PARP15: variants seen among roughly 807,000 people sequenced by gnomAD.
PARP15 encodes the protein protein mono-ADP-ribosyltransferase PARP15.
PARP15 carries 50 observed loss-of-function variants against 62.1 expected under a neutral mutation model. The ratio of observed to expected loss-of-function variants is 0.81; its 90% CI spans 0.64 to 1.02. PARP15 has a LOEUF of 1.02. Ranked by LOEUF, PARP15 falls within the 50% of genes least tolerant of loss-of-function variation. The pLI is 0.00. For missense variants in PARP15, 820 were observed against 826.5 expected, an observed-to-expected ratio of 0.99 and a Z score of 0.10; for synonymous variants, 309 against 293.1, an observed-to-expected ratio of 1.05 and a Z score of -0.55.
In PARP15 at chr3:122,635,182, G is replaced by T. The variant is rs1482953200; in HGVS notation, c.1735G>T (p.Ala579Ser). 1 of 1,612,872 alleles carries T rather than the reference G, an allele frequency of 6.2e-7. No homozygotes were observed. Among genetic ancestry groups the T allele is most frequent in the Non-Finnish European group, 8.5e-7 (1 of 1,179,644 alleles). The change falls in exon 11 of 12, where the codon GCT becomes TCT. Residue 579 changes from alanine to serine, a missense_variant. Physicochemically the swap from Ala to Ser is moderately conservative, Grantham distance 99. This residue lies in a region of PARP15 where 731 missense variants were observed against 727.7 expected (regional missense o/e 1.00). Coordinates refer to ENST00000464300, the MANE Select transcript of PARP15 (RefSeq NM_001113523.3). The stretch of plus-strand genomic sequence containing the variant: ...TCAGCACGGCTTTAATAGAAGTTGT[G>T]CTGGGAAAAATGGTAAGGAAGCAAG... ...VNQHGFNRSC[A>S]GKNAVSYGKG... is the part of the protein sequence containing the mutation.
chr3:122,614,211 G>A (rs774095130), intron 4 of PARP15, among the ~76,000 whole-genome samples: 3 of 152,080 alleles, frequency 2.0e-5, no homozygotes, highest in Non-Finnish European at 2.9e-5. Flanking sequence ...CTATTAAAAC[G>A]GGTGTATTTG....
At chr3:122,634,033 C>G (rs1384109167) in intron 10 of PARP15, among the ~76,000 whole-genome samples, 1 of 152,168 alleles carries the variant, frequency 6.6e-6, no homozygotes, top group East Asian at 1.9e-4. Context: ...ACCTTCGTTA[C>G]TCTCCCGGAG....
intron 1 of PARP15, among the ~76,000 whole-genome samples, chr3:122,585,261 C>T (rs188149558): frequency 4.8e-4 from 73 of 152,290 alleles, no homozygotes; most frequent in Non-Finnish European, 8.7e-4. Flanking sequence ...GTGGGAGGAT[C>T]GCTTGAGCCC....
In PARP15 at chr3:122,636,304, A is replaced by C. The variant is rs1937369196; in HGVS notation, c.*204A>C. On this transcript the variant is annotated 3_prime_UTR_variant, in exon 12 of 12. Transcript: ENST00000464300. ...GCAAATTGATGGGTGGAAGCTGAGA[A>C]ATGTATGGTAAATGTCACAGAGCTA... The C allele has an allele frequency of 7.1e-6, 4 of 559,644 alleles. No individual in the cohort carries two copies. In the South Asian group the frequency reaches 9.3e-5, roughly 13 times the overall value. 34.7% of individuals were successfully genotyped at this position (559,644 alleles called of 1,614,324 possible).
intron 1 of PARP15, among the ~76,000 whole-genome samples, chr3:122,595,095 A>G (rs1449155801): frequency 6.6e-6 from 1 of 152,214 alleles, no homozygotes; most frequent in Non-Finnish European, 1.5e-5. Context: ...CAAAGCCACA[A>G]CATTCTTACT....
At chr3:122,630,070 T>C (rs1331403988) in intron 9 of PARP15, among the ~76,000 whole-genome samples, 1 of 152,146 alleles carries the variant, frequency 6.6e-6, no homozygotes, top group East Asian at 1.9e-4. Flanking sequence ...ACTAATCTTT[T>C]CAAAGAGCTG....
At chr3:122,630,680 A>G (rs1456798635) in intron 9 of PARP15, among the ~76,000 whole-genome samples, 1 of 152,120 alleles carries the variant, frequency 6.6e-6, no homozygotes, top group Non-Finnish European at 1.5e-5. Context: ...CTCTGTCTCA[A>G]AATAATAATA....
intron 1 of PARP15, among the ~76,000 whole-genome samples, chr3:122,583,601 T>C (rs191445073): frequency 1.3e-5 from 2 of 152,344 alleles, no homozygotes; most frequent in Non-Finnish European, 2.9e-5. Flanking sequence ...AGATTGTATC[T>C]GGGTTACAGT....
At chr3:122,592,765 G>A (rs1023397630) in intron 1 of PARP15, among the ~76,000 whole-genome samples, 63 of 152,126 alleles carry the variant, frequency 4.1e-4, no homozygotes, top group African/African-American at 1.5e-3. Flanking sequence ...TTCTGGGTGA[G>A]GAAACTAAGG....
In PARP15 at chr3:122,638,213, G is replaced by A. The variant is rs572814360; in HGVS notation, c.*2113G>A. 12 of 152,202 alleles carry A rather than the reference G, an allele frequency of 7.9e-5. No homozygotes were observed. The highest frequency in any genetic ancestry group is 1.8e-4 in the Non-Finnish European group (12 of 68,016). The allele number at this position is 152,202 out of a possible 1,614,324, so 9.4% of individuals were successfully genotyped here. ...CCAGTCTATCATTGTTGGACATTTG[G>A]GTTGGTTCCAAGTCTTTGCTATTGT... On this transcript the variant is annotated 3_prime_UTR_variant, in exon 12 of 12. Transcript: ENST00000464300.
At chr3:122,633,149 T>A (rs1937155231) in intron 10 of PARP15, among the ~76,000 whole-genome samples, 1 of 152,208 alleles carries the variant, frequency 6.6e-6, no homozygotes, top group Non-Finnish European at 1.5e-5. Flanking sequence ...TATAAGGTAC[T>A]TTGATAACTT....
At chr3:122,583,471 A>G (rs1418772179) in intron 1 of PARP15, among the ~76,000 whole-genome samples, 1 of 151,868 alleles carries the variant, frequency 6.6e-6, no homozygotes, top group Middle Eastern at 3.2e-3. Flanking sequence ...TTTTCTCTTC[A>G]TTATGCATTA....
intron 7 of PARP15, among the ~76,000 whole-genome samples, chr3:122,620,928 G>A (rs966162766): frequency 5.3e-5 from 8 of 152,180 alleles, no homozygotes; most frequent in African/African-American, 9.7e-5. Context: ...GAGCTCTAGG[G>A]TCCTGAGCCA....
At chr3:122,618,453 G>A (rs989156715) in intron 6 of PARP15, among the ~76,000 whole-genome samples, 6 of 152,202 alleles carry the variant, frequency 3.9e-5, no homozygotes, top group African/African-American at 1.4e-4. Flanking sequence ...ATGGAGTAGA[G>A]AAAATTTAGT....
chr3:122,602,711 T>A (rs1473059819), intron 1 of PARP15, among the ~76,000 whole-genome samples: 1 of 151,616 alleles, frequency 6.6e-6, no homozygotes, highest in Non-Finnish European at 1.5e-5. Context: ...GTTGCTTGTA[T>A]TTATTGAATC....
chr3:122,621,056 G>C (rs1238899272), intron 7 of PARP15, among the ~76,000 whole-genome samples: 1 of 152,118 alleles, frequency 6.6e-6, no homozygotes, highest in Non-Finnish European at 1.5e-5. Context: ...GCAGAGTGGG[G>C]GTTAAGAGCT....
At chr3:122,592,618 T>TA (rs59791124) in intron 1 of PARP15, among the ~76,000 whole-genome samples, 33 of 146,902 alleles carry the variant, frequency 2.2e-4, no homozygotes, top group African/African-American at 6.3e-4. Flanking sequence ...AAATTAAAAT[T>TA]AAAAAAAAAA....
chr3:122,616,823 A>C (rs558646998), intron 5 of PARP15, among the ~76,000 whole-genome samples, 192 bp from the exon 6 acceptor site: 1 of 152,272 alleles, frequency 6.6e-6, no homozygotes, highest in East Asian at 1.9e-4. Context: ...TACTGTCACA[A>C]AGCGTTATTT....
At chr3:122,617,314 T>C (rs1317342002) in intron 6 of PARP15, 150 bp downstream of exon 6, 2 of 780,446 alleles carry the variant, frequency 2.6e-6, no homozygotes, top group South Asian at 1.8e-5. Flanking sequence ...ATCCCAGCTA[T>C]GCCACTTAGC....
Sources: allele counts gnomAD v4.1 joint callset (sites outside exome capture counted in the v4.1 genomes callset), GRCh38; gene constraint gnomAD v4.1.1; regional missense constraint gnomAD v4.1.1; transcripts MANE v1.5; gene names NCBI Gene and HGNC (gene_info 2026-07-23, HGNC 2026-07-21).